PRICKLE1: variants seen among roughly 807,000 people sequenced by gnomAD.
The protein encoded by PRICKLE1 is prickle planar cell polarity protein 1.
Under a neutral mutation model 70.2 loss-of-function variants are expected in PRICKLE1, and 14 were observed. That is an observed-to-expected ratio of 0.20 (90% CI 0.13 to 0.31). The LOEUF is 0.31. Among genes scored for constraint, PRICKLE1 ranks in the 10% least tolerant of loss-of-function variants. PRICKLE1 has a pLI of 1.00. For missense variants in PRICKLE1, 821 were observed against 1,026.2 expected (o/e 0.80, Z 2.73); for synonymous variants, 357 against 379.9 (o/e 0.94, Z 0.70).
At chr12:42,479,364 C>A (rs1021983061) in intron 1 of PRICKLE1, among the ~76,000 whole-genome samples, 1 of 152,222 alleles carries the variant, frequency 6.6e-6, no homozygotes, top group East Asian at 1.9e-4. Context: ...CCAGTCCCCA[C>A]ATAAAGCCTC....
At chr12:42,528,975 C>T (rs1939861541) in intron 1 of PRICKLE1, among the ~76,000 whole-genome samples, 1 of 152,198 alleles carries the variant, frequency 6.6e-6, no homozygotes, top group Non-Finnish European at 1.5e-5. Flanking sequence ...TAAGCCACCA[C>T]CGGCTAAGGG....
chr12:42,546,934 A>G (rs575935335), intron 1 of PRICKLE1, among the ~76,000 whole-genome samples: 12 of 152,268 alleles, frequency 7.9e-5, no homozygotes, highest in African/African-American at 2.9e-4. Context: ...CTATTTTGCA[A>G]GAAAAGAAAA....
chr12:42,513,889 T>C (rs1032542101), intron 1 of PRICKLE1, among the ~76,000 whole-genome samples: 2 of 151,898 alleles, frequency 1.3e-5, no homozygotes, highest in Middle Eastern at 3.4e-3. Flanking sequence ...CCCAGCTACT[T>C]GGGAAGCTGA....
intron 5 of PRICKLE1, 42 bp downstream of exon 5, chr12:42,468,584 A>G: frequency 6.4e-7 from 1 of 1,570,928 alleles, no homozygotes; most frequent in Non-Finnish European, 8.8e-7. Flanking sequence ...GGCTTAATCT[A>G]AGCTTATTTT....
At chr12:42,488,160 G>C (rs965002265) in intron 1 of PRICKLE1, among the ~76,000 whole-genome samples, 1 of 152,136 alleles carries the variant, frequency 6.6e-6, no homozygotes, top group Non-Finnish European at 1.5e-5. Flanking sequence ...CCTCACCCCT[G>C]TTGTTCCAAG....
chr12:42,549,630 C>A (rs971259741), intron 1 of PRICKLE1, among the ~76,000 whole-genome samples: 1 of 152,128 alleles, frequency 6.6e-6, no homozygotes, highest in Non-Finnish European at 1.5e-5. Flanking sequence ...CCCATAGACC[C>A]TTCCCTCTCT....
intron 1 of PRICKLE1, among the ~76,000 whole-genome samples, chr12:42,567,124 G>A (rs934064578): frequency 1.3e-5 from 2 of 152,182 alleles, no homozygotes; most frequent in African/African-American, 4.8e-5. Flanking sequence ...CTTACGCCAA[G>A]TATACAGAGG....
At chr12:42,501,163 A>T (rs1253590862) in intron 1 of PRICKLE1, among the ~76,000 whole-genome samples, 4 of 152,104 alleles carry the variant, frequency 2.6e-5, no homozygotes, top group Admixed American at 2.0e-4. Context: ...GAATCCAATG[A>T]TATGGCTAGA....
intron 1 of PRICKLE1, among the ~76,000 whole-genome samples, chr12:42,585,288 A>G (rs1190964785): frequency 2.0e-5 from 3 of 152,170 alleles, no homozygotes; most frequent in South Asian, 2.1e-4. Context: ...TTTATTTTAT[A>G]TGTAAAATCT....
intron 1 of PRICKLE1, among the ~76,000 whole-genome samples, chr12:42,511,370 A>C (rs558633689): frequency 6.6e-6 from 1 of 152,378 alleles, no homozygotes; most frequent in South Asian, 2.1e-4. Flanking sequence ...ACCCAGAGTA[A>C]TCTGCAGGTG....
At chr12:42,497,655 T>C (rs55963571) in intron 1 of PRICKLE1, among the ~76,000 whole-genome samples, 30,541 of 151,776 alleles carry the variant, frequency 0.2, 3,034 homozygotes, top group Middle Eastern at 0.23. Context: ...TGATCACAGA[T>C]CACTATCACA....
At chr12:42,500,815 T>C (rs917510916) in intron 1 of PRICKLE1, among the ~76,000 whole-genome samples, 6 of 152,210 alleles carry the variant, frequency 3.9e-5, no homozygotes, top group African/African-American at 1.4e-4. Context: ...TAGGAGACTA[T>C]TAGAACTCGT....
chr12:42,553,881 T>G (rs1044345896), intron 1 of PRICKLE1, among the ~76,000 whole-genome samples: 1 of 152,102 alleles, frequency 6.6e-6, no homozygotes, highest in Admixed American at 6.6e-5. Context: ...GACGGGCGGA[T>G]CACCTGAGGT....
chr12:42,572,661 A>T (rs1940737816), intron 1 of PRICKLE1, among the ~76,000 whole-genome samples: 1 of 150,872 alleles, frequency 6.6e-6, no homozygotes, highest in Admixed American at 6.6e-5. Context: ...CATCTCTACA[A>T]ATATATATAT....
intron 4 of PRICKLE1, among the ~76,000 whole-genome samples, chr12:42,469,040 C>T (rs1443743244): frequency 2.0e-5 from 3 of 152,206 alleles, no homozygotes; most frequent in African/African-American, 4.8e-5. Flanking sequence ...TTTCTAAGGA[C>T]GGTGTAATCT....
intron 1 of PRICKLE1, among the ~76,000 whole-genome samples, chr12:42,560,597 G>A (rs1283391209): frequency 1.3e-5 from 2 of 151,918 alleles, no homozygotes; most frequent in East Asian, 3.9e-4. Context: ...TTTTATTCTG[G>A]ACTAGGCAGG....
At chr12:42,511,598 G>T (rs1383342838) in intron 1 of PRICKLE1, among the ~76,000 whole-genome samples, 1 of 152,138 alleles carries the variant, frequency 6.6e-6, no homozygotes, top group Non-Finnish European at 1.5e-5. Context: ...TCCCAAATCA[G>T]GTTCCACAGG....
In PRICKLE1 at chr12:42,518,130, A is replaced by T. The variant is rs1449685250; in HGVS notation, c.-48-45566T>A. On this transcript the variant is annotated intron_variant, in intron 1 of 7. Coordinates refer to ENST00000345127, the MANE Select transcript of PRICKLE1 (RefSeq NM_153026.3). Reference sequence around the variant, plus strand: ...TTTTTTTTTTTTTGAAACAGGTCTTACTCTGTCACCCAGGGTGATCCTACT... The same window carrying T: ...TTTTTTTTTTTTTGAAACAGGTCTTTCTCTGTCACCCAGGGTGATCCTACT... Among the ~76,000 whole-genome samples, 3 of 149,832 alleles carry T rather than the reference A, an allele frequency of 2.0e-5. No individual in the cohort carries two copies. The East Asian group carries it at 5.9e-4, about 29-fold the overall frequency.
chr12:42,490,201 A>G (rs1796339), intron 1 of PRICKLE1, among the ~76,000 whole-genome samples: 12,260 of 152,286 alleles, frequency 0.081, 524 homozygotes, highest in Middle Eastern at 0.14. Flanking sequence ...TTCGGTAAGA[A>G]GTCAAGATTC....
Sources: allele counts gnomAD v4.1 joint callset (sites outside exome capture counted in the v4.1 genomes callset), GRCh38; gene constraint gnomAD v4.1.1; transcripts MANE v1.5; gene names NCBI Gene and HGNC (gene_info 2026-07-23, HGNC 2026-07-21).